The following SLC26A3 variants were observed in gnomAD, a reference collection of about 807,000 sequenced individuals.
The protein encoded by SLC26A3 is solute carrier family 26 member 3, also known as chloride anion exchanger.
Under a neutral mutation model 85.6 loss-of-function variants are expected in SLC26A3, and 64 were observed. That is an observed-to-expected ratio of 0.75 (90% CI 0.61 to 0.92). The LOEUF (loss-of-function observed/expected upper bound fraction) is 0.92. Among genes scored for constraint, SLC26A3 ranks in the 40% least tolerant of loss-of-function variants. The pLI is 0.00. For synonymous variants in SLC26A3, 349 were observed against 336.0 expected (o/e 1.04, Z -0.42); for missense variants, 922 against 927.3 (o/e 0.99, Z 0.07).
At chr7:107,780,694 A>G (rs543962020) in intron 11 of SLC26A3, among the ~76,000 whole-genome samples, 1 of 152,284 alleles carries the variant, frequency 6.6e-6, no homozygotes, top group Admixed American at 6.5e-5. Context: ...TTCACAGGTA[A>G]TCCTTATAAT....
At chr7:107,769,974 T>C (rs1793976677) in intron 18 of SLC26A3, among the ~76,000 whole-genome samples, 1 of 150,404 alleles carries the variant, frequency 6.6e-6, no homozygotes, top group Non-Finnish European at 1.5e-5. Flanking sequence ...TCTGCCTCCC[T>C]CCCTCCCTTC....
At chr7:107,802,248 T>A (rs181546681) in intron 1 of SLC26A3, among the ~76,000 whole-genome samples, 241 of 152,216 alleles carry the variant, frequency 1.6e-3, no homozygotes, top group Non-Finnish European at 2.9e-3. Context: ...TGTATAATCT[T>A]TTCCTGACAT....
intron 1 of SLC26A3, among the ~76,000 whole-genome samples, chr7:107,802,781 A>T (rs1209881429): frequency 1.3e-5 from 2 of 148,488 alleles, no homozygotes; most frequent in African/African-American, 5.0e-5. Context: ...CAGAGCAGAC[A>T]ATCTATCTAT....
intron 1 of SLC26A3, among the ~76,000 whole-genome samples, chr7:107,801,802 G>A (rs888168519): frequency 2.0e-5 from 3 of 151,862 alleles, no homozygotes; most frequent in Admixed American, 6.6e-5. Context: ...ATCCTTGGCC[G>A]GATGGGGTGG....
chr7:107,775,739 A>G (rs1376646782), intron 15 of SLC26A3, among the ~76,000 whole-genome samples: 2 of 152,118 alleles, frequency 1.3e-5, no homozygotes, highest in African/African-American at 2.4e-5. Context: ...AAAATCCTTG[A>G]CAAAAAATAT....
In SLC26A3 at chr7:107,770,000, C is replaced by CTTTCTT. The variant is rs1306096940; in HGVS notation, c.2062+2053_2062+2054insAAGAAA. Among the ~76,000 whole-genome samples, 36 of 131,098 alleles carry CTTTCTT rather than the reference C, an allele frequency of 2.7e-4. 1 individual carries two copies. The East Asian group carries it at 3.5e-3, about 13-fold the overall frequency. The allele number at this position is 131,098 out of a possible 152,430, so 86.0% of individuals were successfully genotyped here. A position where few individuals can be genotyped will look rare whatever the true frequency, so the allele number is the denominator to read the frequency against. On this transcript the variant is annotated intron_variant, in intron 18 of 20. Transcript: ENST00000340010. Reference sequence around the variant, plus strand: ...CCCTCCCTTCCTTCCTTCCTTTTTTCTCTTTCTTTCTTTCTTTCTTTCTTT... The same window carrying CTTTCTT: ...CCCTCCCTTCCTTCCTTCCTTTTTTCTTTCTTTCTTTCTTTCTTTCTTTCTTTCTTT...
intron 1 of SLC26A3, among the ~76,000 whole-genome samples, chr7:107,801,107 G>A (rs1366620922): frequency 6.6e-6 from 1 of 152,206 alleles, no homozygotes; most frequent in Non-Finnish European, 1.5e-5. Context: ...TCTTCCTTGA[G>A]TATTACTGTG....
rs41280239 is a variant in SLC26A3 at position 107,791,331 on chromosome 7, G to T, written c.383-96C>A. ...AAGACCATATAAAATGACTGGCAAG[G>T]CTGGGCGTGGTGGCTCACGCCTGTA... On this transcript the variant is annotated intron_variant, in intron 4 of 20. Coordinates refer to ENST00000340010, the MANE Select transcript of SLC26A3 (RefSeq NM_000111.3). 42 of 1,352,948 alleles carry T rather than the reference G, an allele frequency of 3.1e-5. No individual in the cohort carries two copies. The African/African-American group carries it at 4.5e-4, about 14-fold the overall frequency. The allele number at this position is 1,352,948 out of a possible 1,614,324, so 83.8% of individuals were successfully genotyped here. A position where few individuals can be genotyped will look rare whatever the true frequency, so the allele number is the denominator to read the frequency against.
chr7:107,785,824 T>A (rs1794285399), intron 8 of SLC26A3, among the ~76,000 whole-genome samples: 1 of 151,930 alleles, frequency 6.6e-6, no homozygotes, highest in African/African-American at 2.4e-5. Context: ...GTAAAAAAAA[T>A]ACATATAAAT....
intron 11 of SLC26A3, 109 bp downstream of exon 11, chr7:107,782,688 G>A: frequency 9.6e-7 from 1 of 1,036,820 alleles, no homozygotes; most frequent in Admixed American, 1.7e-5. Flanking sequence ...GTACTTGAGA[G>A]TTTGTCATTA....
At chr7:107,782,456 C>A (rs938647789) in intron 11 of SLC26A3, among the ~76,000 whole-genome samples, 1 of 152,248 alleles carries the variant, frequency 6.6e-6, no homozygotes, top group Admixed American at 6.5e-5. Flanking sequence ...GATAGAGGGC[C>A]TGATTACCTT....
chr7:107,779,672 T>C lies in SLC26A3; in HGVS notation c.1403A>G (p.Asp468Gly). The C allele has an allele frequency of 6.2e-7, 1 of 1,611,640 alleles. No individual in the cohort carries two copies. The highest frequency in any genetic ancestry group is 8.5e-7 in the Non-Finnish European group (1 of 1,177,800). ...IGRLWRKDKY[D>G]CLIWIMTFIF... ...AATACTATTGCCTCTACTTACACAA[T>C]CATATTTGTCCTTTCGCCACAATCT... The change falls in exon 12 of 21, where the codon GAT (aspartate) becomes GGT (glycine). Residue 468 changes from aspartate to glycine, a missense_variant. Asp to Gly is a moderately conservative substitution (Grantham distance 94). Transcript: ENST00000340010.
intron 18 of SLC26A3, among the ~76,000 whole-genome samples, chr7:107,770,685 C>T (rs921571924): frequency 6.6e-6 from 1 of 152,156 alleles, no homozygotes; most frequent in Non-Finnish European, 1.5e-5. Flanking sequence ...AGATTCACTG[C>T]TATATTCCCA....
intron 8 of SLC26A3, among the ~76,000 whole-genome samples, chr7:107,784,073 A>G (rs1794253211): frequency 6.6e-6 from 1 of 152,244 alleles, no homozygotes; most frequent in Non-Finnish European, 1.5e-5. Context: ...TCCTATAAGC[A>G]TATATTTCTG....
rs754616407 is a variant in SLC26A3 at position 107,787,481 on chromosome 7, T to C, written c.764A>G (p.Glu255Gly). The C allele has an allele frequency of 8.1e-6, 13 of 1,613,874 alleles. No individual in the cohort carries two copies. Among genetic ancestry groups the C allele is most frequent in the South Asian group, 1.1e-5 (1 of 91,078 alleles). Residue 255 changes from glutamate (E) to glycine (G), a missense_variant, in exon 7 of 21, where the codon GAG (glutamate) becomes GGG (glycine). Transcript: ENST00000340010. ...CACCAGGTCTGCAATATTAGTCTTC[T>C]CTATTTGTGAGAATACAGAGTATAG... ...KVLYSVFSQI[E>G]KTNIADLVTA...
chr7:107,785,695 G>C (rs900801733), intron 8 of SLC26A3, among the ~76,000 whole-genome samples: 2 of 152,066 alleles, frequency 1.3e-5, no homozygotes, highest in African/African-American at 4.8e-5. Context: ...AAAATTAAAA[G>C]TGATGCTTGA....
At chr7:107,783,129 T>G (rs1794237997) in intron 9 of SLC26A3, 36 bp from the exon 10 acceptor site, 2 of 1,613,238 alleles carry the variant, frequency 1.2e-6, no homozygotes, top group Non-Finnish European at 1.7e-6. Context: ...TTTTCAGAAG[T>G]GGCACCATTG....
In SLC26A3 at chr7:107,767,778, A is replaced by G. The variant is rs148586598; in HGVS notation, c.2193T>C (p.Phe731=). ...LMKKDYSTSK[F]NPSQEKDGKI... is the part of the protein sequence containing the mutation. ...AAAGAGCTGATACCTGACTGGGATT[A>G]AACTTTGAAGTACTGTAATCTTTCT... The change falls in exon 19 of 21, where the codon TTT becomes TTC. Residue 731 remains phenylalanine (F), a synonymous_variant. Transcript: ENST00000340010. The G allele has an allele frequency of 1.9e-4, 310 of 1,613,818 alleles. No homozygotes were observed. Among genetic ancestry groups the G allele is most frequent in the Non-Finnish European group, 2.4e-4 (282 of 1,179,874 alleles).
chr7:107,778,058 G>T, intron 13 of SLC26A3, 117 bp downstream of exon 13: 1 of 749,366 alleles, frequency 1.3e-6, no homozygotes, highest in African/African-American at 1.7e-5. Context: ...GCCCCATCCT[G>T]ATAGAAATGC....
Sources: gnomAD v4.1 joint callset for allele counts (sites outside exome capture counted in the v4.1 genomes callset) on GRCh38, gnomAD v4.1.1 for gene constraint, MANE v1.5 for transcripts, NCBI Gene and HGNC (gene_info 2026-07-23, HGNC 2026-07-21) for gene names.